ECT2L: variants seen among roughly 807,000 people sequenced by gnomAD.
ECT2L encodes the protein epithelial cell transforming 2 like, also known as epithelial cell-transforming sequence 2 oncogene-like.
ECT2L carries 126 observed loss-of-function variants against 122.8 expected under a neutral mutation model. The ratio of observed to expected loss-of-function variants is 1.03; its 90% CI spans 0.89 to 1.19. The LOEUF (loss-of-function observed/expected upper bound fraction) is 1.19. Among genes scored for constraint, ECT2L ranks in the 50% most tolerant of loss-of-function variants. The probability of loss-of-function intolerance (pLI) is 0.00; values close to 1 mark genes in which losing one functional copy is unlikely to be tolerated. For missense variants in ECT2L, 1,012 were observed against 1,064.1 expected, an observed-to-expected ratio of 0.95 and a Z score of 0.68; for synonymous variants, 385 against 381.8, an observed-to-expected ratio of 1.01 and a Z score of -0.10.
In ECT2L at chr6:138,885,583, C is replaced by T. The variant is rs201180157; in HGVS notation, c.2102+4C>T. The T allele has an allele frequency of 3.6e-4, 587 of 1,614,100 alleles. 4 individuals are homozygous for T. In the Middle Eastern group the frequency reaches 5.6e-3, roughly 15 times the overall value. ...CCATTGTTACCAAAATGCTGAGGTA[C>T]GTTCTGAGGGAGAGCACAGCAGGGG... On this transcript the variant is annotated splice_donor_region_variant and intron_variant, in intron 17 of 21. Transcript: ENST00000541398.
At chr6:138,870,285 T>C (rs888040132) in intron 13 of ECT2L, 6 of 152,656 alleles carry the variant, frequency 3.9e-5, no homozygotes, top group African/African-American at 1.2e-4. Context: ...CAACAAAATG[T>C]GACCCAAAGA....
Position 138,823,082 on chromosome 6 carries a change from C to T in ECT2L, c.179+8479C>T, listed in dbSNP as rs1474352425. 4.1e-5 allele frequency: 65 copies of T among 1,582,086 alleles called. 2 individuals are homozygous for T. Among genetic ancestry groups the T allele is most frequent in the Non-Finnish European group, 5.3e-5 (62 of 1,159,974 alleles). ...GGTGGGTTTTAGGGAAAATAATGTGCAAAATAACTTCAGCCTTGTACACAC... is the reference window on the plus strand; with the variant it reads ...GGTGGGTTTTAGGGAAAATAATGTGTAAAATAACTTCAGCCTTGTACACAC... On this transcript the variant is annotated intron_variant, in intron 4 of 21. Transcript: ENST00000541398.
chr6:138,840,914 G>A (rs902246361), intron 5 of ECT2L, among the ~76,000 whole-genome samples: 2 of 152,052 alleles, frequency 1.3e-5, no homozygotes, highest in Admixed American at 6.5e-5. Flanking sequence ...GATTCACCAC[G>A]TCTCATAACT....
rs1777351174 is a variant in ECT2L, at chr6:138,849,413, A to G, written c.1048A>G (p.Arg350Gly). The change falls in exon 9 of 22, where the codon AGA becomes GGA. Residue 350 changes from arginine to glycine, a missense_variant. By Grantham distance (125) the Arg-to-Gly change is moderately radical. Coordinates refer to ENST00000541398, the MANE Select transcript of ECT2L (RefSeq NM_001077706.3). ...CGGAATATTTAGCGATGGAGACAGC[A>G]GAGAAATCAATTTACTCCAAGGTAG... is the stretch of plus-strand genomic sequence containing the variant. ...SIGIFSDGDS[R>G]EINLLQGYKI... The G allele has an allele frequency of 6.2e-7, 1 of 1,613,612 alleles. No individual in the cohort carries two copies. The highest frequency in any genetic ancestry group is 1.3e-5 in the African/African-American group (1 of 74,914).
chr6:138,854,246 T>G (rs1396165823), intron 10 of ECT2L, 92 bp downstream of exon 10: 12 of 1,390,460 alleles, frequency 8.6e-6, no homozygotes, highest in Non-Finnish European at 1.2e-5. Context: ...GTCAAATGAT[T>G]CAGTCACATT....
At position 138,804,910 on chromosome 6, in the gene ECT2L, A is replaced by G. The variant is rs530238167; in HGVS notation, c.-243-7928A>G. ...AGATCATGAGTGTAACGTTCAATGAATCACAGCACGCAGGGAAGTCTAGGG... is the reference window on the plus strand; with the variant it reads ...AGATCATGAGTGTAACGTTCAATGAGTCACAGCACGCAGGGAAGTCTAGGG... On this transcript the variant is annotated intron_variant, in intron 1 of 21. Coordinates refer to ENST00000541398, the MANE Select transcript of ECT2L (RefSeq NM_001077706.3). Among the ~76,000 whole-genome samples, 125 of 152,328 alleles carry G rather than the reference A, an allele frequency of 8.2e-4. 1 individual carries two copies. The highest frequency in any genetic ancestry group is 1.5e-3 in the Non-Finnish European group (103 of 68,034).
intron 20 of ECT2L, among the ~76,000 whole-genome samples, chr6:138,895,627 G>A (rs537917869): frequency 6.6e-6 from 1 of 152,134 alleles, no homozygotes; most frequent in Non-Finnish European, 1.5e-5. Context: ...CTGGAGTGCA[G>A]TGGTGTGATC....
Position 138,865,031 on chromosome 6 carries a change from GCCCCCTCTT to G in ECT2L, c.1330_1338del (p.Pro444_Ser446del). 6.2e-7 allele frequency: 1 copy of G among 1,613,618 alleles called. No homozygotes were observed. Reference sequence around the variant, plus strand: ...TTGGCTGGGATCCCAATGGGGAAAGGCCCCCTCTTCCATCTACTTCTGCGAATCGAAGCT... The same window carrying G: ...TTGGCTGGGATCCCAATGGGGAAAGGCCATCTACTTCTGCGAATCGAAGCT... On this transcript the variant is annotated inframe_deletion, in exon 12 of 22. Coordinates refer to ENST00000541398, the MANE Select transcript of ECT2L (RefSeq NM_001077706.3).
chr6:138,845,242 ATTT>A (rs10717081), intron 7 of ECT2L, among the ~76,000 whole-genome samples: 13 of 128,558 alleles, frequency 1.0e-4, no homozygotes, highest in African/African-American at 1.7e-4. Context: ...TTAACTTTGG[ATTT>A]TTTTTTTTTT....
rs969842950 is a variant in ECT2L at position 138,881,209 on chromosome 6, T to C, written c.1880+38T>C. The C allele has an allele frequency of 4.5e-6, 7 of 1,572,678 alleles. No individual in the cohort carries two copies. The African/African-American group carries it at 9.5e-5, about 21-fold the overall frequency. On this transcript the variant is annotated intron_variant, in intron 15 of 21. Transcript: ENST00000541398. ...TATGTATTTTTTTTAATATTCATTG[T>C]GCACTGAGAAGAGCCCATGCTTTAT... is the stretch of plus-strand genomic sequence containing the variant.
intron 19 of ECT2L, among the ~76,000 whole-genome samples, chr6:138,888,494 AAT>A (rs1778906860): frequency 6.6e-6 from 1 of 151,726 alleles, no homozygotes; most frequent in East Asian, 1.9e-4. Context: ...TTGTATTTTT[AAT>A]AGAGACAGGG....
At chr6:138,805,231 G>A (rs1775677187) in intron 1 of ECT2L, among the ~76,000 whole-genome samples, 1 of 152,204 alleles carries the variant, frequency 6.6e-6, no homozygotes, top group Non-Finnish European at 1.5e-5. Context: ...ACTACTGGTG[G>A]ATGCTTGGGT....
intron 10 of ECT2L, among the ~76,000 whole-genome samples, chr6:138,856,975 T>C (rs183549464): frequency 6.6e-6 from 1 of 152,264 alleles, no homozygotes; most frequent in East Asian, 1.9e-4. Context: ...ATATGGGAAC[T>C]CCCTAATTTT....
intron 19 of ECT2L, among the ~76,000 whole-genome samples, chr6:138,887,650 C>T (rs751954655): frequency 6.6e-6 from 1 of 152,142 alleles, no homozygotes; most frequent in African/African-American, 2.4e-5. Context: ...TTTCATCTGG[C>T]CCCACCCTCC....
intron 4 of ECT2L, among the ~76,000 whole-genome samples, chr6:138,828,921 A>G (rs1366521382): frequency 6.6e-6 from 1 of 152,100 alleles, no homozygotes; most frequent in East Asian, 1.9e-4. Context: ...CCTCCTCAAG[A>G]TAACTCTTGA....
Position 138,888,317 on chromosome 6 carries a change from CTTT to C in ECT2L, c.2326-611_2326-609del, listed in dbSNP as rs71270363. Among the ~76,000 whole-genome samples the C allele has an allele frequency of 4.1e-4, 53 of 128,628 alleles. 2 individuals are homozygous for C. The highest frequency in any genetic ancestry group is 2.3e-3 in the Admixed American group (29 of 12,538). The allele number at this position is 128,628 out of a possible 152,430, so 84.4% of individuals were successfully genotyped here. On this transcript the variant is annotated intron_variant, in intron 19 of 21. Transcript: ENST00000541398. ...CAATTCATTCACTTCTTTTTCTTTT[CTTT>C]TTTTTTTTTTTTTTGAGATGGAGTC... is the stretch of plus-strand genomic sequence containing the variant.
At chr6:138,892,753 A>G (rs1037358635) in intron 20 of ECT2L, among the ~76,000 whole-genome samples, 2 of 152,268 alleles carry the variant, frequency 1.3e-5, no homozygotes, top group Middle Eastern at 3.4e-3. Context: ...TTGGCTTCTC[A>G]AAGTGCTAGG....
At chr6:138,829,495 G>A (rs1776577232) in intron 4 of ECT2L, among the ~76,000 whole-genome samples, 1 of 152,018 alleles carries the variant, frequency 6.6e-6, no homozygotes, top group Admixed American at 6.6e-5. Context: ...CTTTCACACA[G>A]GAAATTCACA....
At chr6:138,856,954 CA>C (rs1423744966) in intron 10 of ECT2L, among the ~76,000 whole-genome samples, 1 of 152,174 alleles carries the variant, frequency 6.6e-6, no homozygotes, top group Non-Finnish European at 1.5e-5. Flanking sequence ...CTTCGCCAAG[CA>C]AACTGAATCA....
Sources: allele counts gnomAD v4.1 joint callset (sites outside exome capture counted in the v4.1 genomes callset), GRCh38; gene constraint gnomAD v4.1.1; transcripts MANE v1.5; gene names NCBI Gene and HGNC (gene_info 2026-07-23, HGNC 2026-07-21).